Variants in USP32 observed in about 807,000 individuals in gnomAD.
USP32 encodes ubiquitin specific peptidase 32.
USP32 carries 59 observed loss-of-function variants against 204.8 expected under a neutral mutation model. The observed-to-expected ratio is 0.29, with a 90% CI of 0.23 to 0.36. The LOEUF (loss-of-function observed/expected upper bound fraction) is 0.36. USP32 is among the 10% of genes least tolerant of loss of function. The probability of loss-of-function intolerance (pLI) is 1.00; values close to 1 mark genes in which losing one functional copy is unlikely to be tolerated. For synonymous variants in USP32, 517 were observed against 678.4 expected, an observed-to-expected ratio of 0.76 and a Z score of 3.70; for missense variants, 1,160 against 1,946.4, an observed-to-expected ratio of 0.60 and a Z score of 7.60.
chr17:60,184,921 AAAC>A (rs1313279660), intron 30 of USP32, among the ~76,000 whole-genome samples: 1 of 152,232 alleles, frequency 6.6e-6, no homozygotes, highest in Non-Finnish European at 1.5e-5. Context: ...TTCTCCTGAC[AAAC>A]AACAGGACAG....
chr17:60,215,576 T>C (rs2085080459), intron 16 of USP32, among the ~76,000 whole-genome samples: 1 of 152,252 alleles, frequency 6.6e-6, no homozygotes, highest in South Asian at 2.1e-4. Context: ...TCCACTTTCC[T>C]AAACTTTCTT....
intron 2 of USP32, among the ~76,000 whole-genome samples, chr17:60,327,082 TAAC>T (rs1298782884): frequency 1.4e-4 from 21 of 152,172 alleles, no homozygotes; most frequent in Admixed American, 1.1e-3. Flanking sequence ...TGACTATAAT[TAAC>T]AACAATTGGT....
chr17:60,414,381 G>A (rs1737339758), intron 1 of USP32, among the ~76,000 whole-genome samples: 1 of 151,140 alleles, frequency 6.6e-6, no homozygotes, highest in African/African-American at 2.4e-5. Flanking sequence ...TTTCTATAGG[G>A]AATAAAATAT....
chr17:60,233,975 G>A (rs1050292958), intron 12 of USP32, among the ~76,000 whole-genome samples: 2 of 151,878 alleles, frequency 1.3e-5, no homozygotes, highest in Non-Finnish European at 2.9e-5. Context: ...TATGAGACAG[G>A]GTCTTGCTCT....
chr17:60,267,035 G>A (rs1345253647), intron 7 of USP32, among the ~76,000 whole-genome samples: 7 of 150,936 alleles, frequency 4.6e-5, no homozygotes, highest in East Asian at 2.0e-4. Context: ...GTGATCCACC[G>A]GCCTTGGCCT....
Position 60,187,258 on chromosome 17 carries a change from A to G in USP32, c.3643-1607T>C, listed in dbSNP as rs191227236. On this transcript the variant is annotated intron_variant, in intron 29 of 33. Transcript: ENST00000300896. ...TAGCAAGGCTGGATTTGATCGTGCA[A>G]TTAAGGTTCTAGCACTGCATAACTA... Among the ~76,000 whole-genome samples the G allele has an allele frequency of 5.5e-3, 842 of 152,346 alleles. 6 individuals are homozygous for G. The highest frequency in any genetic ancestry group is 0.019 in the African/African-American group (804 of 41,582).
chr17:60,318,944 C>G (rs994888754), intron 2 of USP32, among the ~76,000 whole-genome samples: 2 of 152,204 alleles, frequency 1.3e-5, no homozygotes, highest in African/African-American at 4.8e-5. Context: ...CATGTTACAA[C>G]ATGAATGAAC....
intron 1 of USP32, among the ~76,000 whole-genome samples, chr17:60,387,819 AAC>A (rs2089756728): frequency 6.6e-6 from 1 of 152,222 alleles, no homozygotes. Context: ...TGGACAAAAT[AAC>A]ACAGTAATGC....
intron 1 of USP32, among the ~76,000 whole-genome samples, chr17:60,371,643 T>C (rs919795321): frequency 4.0e-5 from 6 of 151,722 alleles, no homozygotes; most frequent in African/African-American, 1.5e-4. Context: ...CAACATCACT[T>C]AGTCAAGGAA....
intron 1 of USP32, among the ~76,000 whole-genome samples, chr17:60,347,724 G>A (rs2088824177): frequency 6.6e-6 from 1 of 151,870 alleles, no homozygotes; most frequent in South Asian, 2.1e-4. Flanking sequence ...CTGACCTCAA[G>A]TGATCTGCCC....
At chr17:60,284,164 A>C (rs1006053346) in intron 5 of USP32, among the ~76,000 whole-genome samples, 28 of 152,194 alleles carry the variant, frequency 1.8e-4, no homozygotes, top group Non-Finnish European at 3.5e-4. Context: ...TAGGTGAAAC[A>C]ATCAATGTAC....
chr17:60,348,443 A>G (rs1473307716), intron 1 of USP32, among the ~76,000 whole-genome samples: 1 of 152,150 alleles, frequency 6.6e-6, no homozygotes, highest in Non-Finnish European at 1.5e-5. Context: ...AAGGCCAGGA[A>G]AAGGGGACTT....
intron 11 of USP32, chr17:60,249,651 C>T: frequency 1.5e-6 from 1 of 677,322 alleles, no homozygotes; most frequent in African/African-American, 1.8e-5. Context: ...AAAGCTGCTC[C>T]TGGTTAAATT....
chr17:60,187,439 C>T lies in USP32; in HGVS notation c.3643-1788G>A, dbSNP rs753223087. Among the ~76,000 whole-genome samples, 12 of 152,274 alleles carry T rather than the reference C, an allele frequency of 7.9e-5. No individual in the cohort carries two copies. In the East Asian group the frequency reaches 1.2e-3, roughly 15 times the overall value. ...CTGTCATCATCTTTTGAACTGGTCA[C>T]TCAAGGAAAAAACTGATGTGCTTCA... On this transcript the variant is annotated intron_variant, in intron 29 of 33. Transcript: ENST00000300896.
At chr17:60,195,403 T>A (rs1441415317) in intron 27 of USP32, among the ~76,000 whole-genome samples, 2 of 152,324 alleles carry the variant, frequency 1.3e-5, no homozygotes, top group African/African-American at 4.8e-5. Context: ...AGTGGTGTGA[T>A]CTCAGCTCAC....
chr17:60,383,120 C>T (rs1252693901), intron 1 of USP32, among the ~76,000 whole-genome samples: 1 of 151,640 alleles, frequency 6.6e-6, no homozygotes, highest in African/African-American at 2.4e-5. Flanking sequence ...GTGGCTTGTG[C>T]CTGTAGTCCT....
intron 26 of USP32, among the ~76,000 whole-genome samples, chr17:60,201,048 G>C (rs1052466561): frequency 2.0e-5 from 3 of 152,034 alleles, no homozygotes; most frequent in Admixed American, 1.3e-4. Context: ...TGTAGAGATG[G>C]GGTTTCACCA....
At chr17:60,353,283 GC>G (rs999076022) in intron 1 of USP32, among the ~76,000 whole-genome samples, 1 of 152,158 alleles carries the variant, frequency 6.6e-6, no homozygotes, top group Non-Finnish European at 1.5e-5. Context: ...CAGGAAGAGA[GC>G]CCTCACCAAA....
At chr17:60,318,634 C>G (rs973272671) in intron 2 of USP32, among the ~76,000 whole-genome samples, 3 of 152,158 alleles carry the variant, frequency 2.0e-5, no homozygotes, top group African/African-American at 7.2e-5. Context: ...ACCTCCAAAC[C>G]CAGAAAACAA....
Sources: allele counts gnomAD v4.1 joint callset (sites outside exome capture counted in the v4.1 genomes callset), GRCh38; gene constraint gnomAD v4.1.1; transcripts MANE v1.5; gene names NCBI Gene and HGNC (gene_info 2026-07-23, HGNC 2026-07-21).